The following CELF4 variants were observed in gnomAD, a reference collection of about 807,000 sequenced individuals.
CELF4 encodes the protein CUGBP Elav-like family member 4, also known as CUG-BP- and ETR-3-like factor 4.
A neutral mutation model predicts 59.9 loss-of-function variants in CELF4; 18 were observed. That is an observed-to-expected ratio of 0.30 (90% CI 0.21 to 0.45). The LOEUF is 0.45. Ranked by LOEUF, CELF4 falls within the 20% of genes least tolerant of loss-of-function variation. The pLI is 1.00. For synonymous variants in CELF4, 261 were observed against 267.1 expected, an observed-to-expected ratio of 0.98 and a Z score of 0.22; for missense variants, 456 against 689.0, an observed-to-expected ratio of 0.66 and a Z score of 3.79.
At position 37,245,155 on chromosome 18, in the gene CELF4, G is replaced by T. The variant is rs751027779; in HGVS notation, c.*87C>A. On this transcript the variant is annotated 3_prime_UTR_variant, in exon 13 of 13. Transcript: ENST00000420428. This position sits in a 1 kb window ranked among gnomAD's most constrained non-coding sequence, Gnocchi z 4.1. Reference sequence around the variant, plus strand: ...CAGTTCTCATTTATAAATATATATAGAGAGAGGTTTGTTTTTTAATGTAGC... The same window carrying T: ...CAGTTCTCATTTATAAATATATATATAGAGAGGTTTGTTTTTTAATGTAGC... 2.6e-5 allele frequency: 4 copies of T among 152,250 alleles called. No homozygotes were observed. Among genetic ancestry groups the T allele is most frequent in the Non-Finnish European group, 5.9e-5 (4 of 68,028 alleles). 9.4% of individuals were successfully genotyped at this position (152,250 alleles called of 1,614,324 possible).
At position 37,378,271 on chromosome 18, in the gene CELF4, G is replaced by A. The variant is rs1191930231; in HGVS notation, c.370-56390C>T. Among the ~76,000 whole-genome samples the A allele has an allele frequency of 2.0e-5, 3 of 152,240 alleles. No homozygotes were observed. In the East Asian group the frequency reaches 5.8e-4, roughly 29 times the overall value. The stretch of plus-strand genomic sequence containing the variant: ...GTGCTTTCTCTGCCACCCCTTGCTT[G>A]TTGCTTGGGTCGCAGGAGGTGGGGT... On this transcript the variant is annotated intron_variant, in intron 2 of 12. Coordinates refer to ENST00000420428, the MANE Select transcript of CELF4 (RefSeq NM_020180.4).
intron 1 of CELF4, among the ~76,000 whole-genome samples, chr18:37,513,982 G>A (rs1254498718): frequency 7.5e-6 from 1 of 132,832 alleles, no homozygotes; most frequent in Non-Finnish European, 1.7e-5. Context: ...GTGTGTGTGT[G>A]TATACCTTCT....
chr18:37,266,686 C>T, intron 8 of CELF4, 88 bp from the exon 9 acceptor site: 1 of 1,141,558 alleles, frequency 8.8e-7, no homozygotes, highest in Non-Finnish European at 1.2e-6. Flanking sequence ...TGTAGCTGTA[C>T]TGCCTTTTCT....
At chr18:37,550,761 G>A (rs971550751) in intron 1 of CELF4, among the ~76,000 whole-genome samples, 4 of 152,224 alleles carry the variant, frequency 2.6e-5, no homozygotes, top group African/African-American at 9.6e-5. Flanking sequence ...AGTAGACAGA[G>A]GTGTCCCTGC....
intron 1 of CELF4, among the ~76,000 whole-genome samples, chr18:37,537,650 C>T (rs749069673): frequency 2.6e-5 from 4 of 152,202 alleles, no homozygotes; most frequent in South Asian, 2.1e-4. Flanking sequence ...TTCCTTGCTT[C>T]GCTGTAGGGG....
chr18:37,321,409 T>G (rs1403474277), intron 3 of CELF4, among the ~76,000 whole-genome samples: 1 of 152,214 alleles, frequency 6.6e-6, no homozygotes, highest in Non-Finnish European at 1.5e-5. Context: ...CTCCTTGGCC[T>G]GAATCCTCCT....
At chr18:37,494,036 A>T (rs147557904) in intron 1 of CELF4, among the ~76,000 whole-genome samples, 395 of 152,182 alleles carry the variant, frequency 2.6e-3, no homozygotes, top group African/African-American at 9.2e-3. Flanking sequence ...CAGGAAAGGG[A>T]CCAACCTTCT....
chr18:37,325,578 G>A (rs762848855), intron 2 of CELF4, among the ~76,000 whole-genome samples: 2 of 152,134 alleles, frequency 1.3e-5, no homozygotes, highest in South Asian at 4.1e-4. Context: ...CCAACCAGAC[G>A]GGCCCTGGAT....
chr18:37,481,502 A>G lies in CELF4; in HGVS notation c.369+4023T>C, dbSNP rs1603642284. On this transcript the variant is annotated intron_variant, in intron 2 of 12. Coordinates refer to ENST00000420428, the MANE Select transcript of CELF4 (RefSeq NM_020180.4). Reference sequence around the variant, plus strand: ...TCTTCCTGGAAGACGATTCCCCACAAAGTCCCAATGGCTGGAGGAGCTGCG... The same window carrying G: ...TCTTCCTGGAAGACGATTCCCCACAGAGTCCCAATGGCTGGAGGAGCTGCG... 3.9e-5 allele frequency among the ~76,000 whole-genome samples: 6 copies of G among 152,266 alleles called. No individual in the cohort carries two copies. In the South Asian group the frequency reaches 1.2e-3, roughly 32 times the overall value.
chr18:37,266,521 G>C lies in CELF4; in HGVS notation c.1165+12C>G. The C allele has an allele frequency of 1.3e-6, 2 of 1,587,014 alleles. No individual in the cohort carries two copies. The highest frequency in any genetic ancestry group is 1.2e-5 in the South Asian group (1 of 86,640). ...GTTGGGGAAGGAGCCGTGGGGACGC[G>C]TGGATACTAACGACCTGCATACTGC... is the stretch of plus-strand genomic sequence containing the variant. On this transcript the variant is annotated intron_variant, in intron 9 of 12. Coordinates refer to ENST00000420428, the MANE Select transcript of CELF4 (RefSeq NM_020180.4).
chr18:37,380,102 T>C (rs1268916703), intron 2 of CELF4, among the ~76,000 whole-genome samples: 1 of 152,142 alleles, frequency 6.6e-6, no homozygotes, highest in African/African-American at 2.4e-5. Flanking sequence ...CTGTATTTGA[T>C]TTGAACCCAA....
chr18:37,247,619 C>G (rs71365660), intron 12 of CELF4: 1 of 151,784 alleles, frequency 6.6e-6, no homozygotes, highest in Non-Finnish European at 1.5e-5. Context: ...ATGGGCACAT[C>G]AACACACACA....
chr18:37,508,675 G>A lies in CELF4; in HGVS notation c.287-23068C>T, dbSNP rs191624615. Among the ~76,000 whole-genome samples the A allele has an allele frequency of 1.3e-4, 20 of 152,348 alleles. No homozygotes were observed. In the East Asian group the frequency reaches 3.9e-3, roughly 29 times the overall value. The stretch of plus-strand genomic sequence containing the variant: ...CACATCTCTGTGTGTGCTGCTCAAG[G>A]TCATGCTGTGAGCTCAAGTGGTCTG... On this transcript the variant is annotated intron_variant, in intron 1 of 12. Transcript: ENST00000420428.
intron 3 of CELF4, among the ~76,000 whole-genome samples, chr18:37,279,084 C>T (rs2093778337): frequency 6.6e-6 from 1 of 152,222 alleles, no homozygotes; most frequent in Admixed American, 6.5e-5. Context: ...AGAGAAGGCC[C>T]TGGCCACTGC....
At chr18:37,545,230 G>T (rs983005577) in intron 1 of CELF4, among the ~76,000 whole-genome samples, 1 of 152,202 alleles carries the variant, frequency 6.6e-6, no homozygotes, top group African/African-American at 2.4e-5. Context: ...GTCCTCAGGG[G>T]CAAGAGTGGT....
intron 2 of CELF4, among the ~76,000 whole-genome samples, chr18:37,373,895 G>C (rs2098934095): frequency 6.6e-6 from 1 of 152,246 alleles, no homozygotes; most frequent in African/African-American, 2.4e-5. Flanking sequence ...GCTGCCTGCG[G>C]ACTCCCAGCA....
At chr18:37,281,882 A>G (rs963914311) in intron 3 of CELF4, among the ~76,000 whole-genome samples, 1 of 152,126 alleles carries the variant, frequency 6.6e-6, no homozygotes, top group Admixed American at 6.6e-5. Flanking sequence ...GGTGAAGGAC[A>G]TGCCCCCCTC....
intron 1 of CELF4, among the ~76,000 whole-genome samples, chr18:37,558,774 T>A (rs1290508283): frequency 6.6e-6 from 1 of 151,238 alleles, no homozygotes; most frequent in African/African-American, 2.4e-5. Context: ...AGTATTCTGC[T>A]TGGAGGGCCT....
chr18:37,394,021 G>C (rs2099204645), intron 2 of CELF4, among the ~76,000 whole-genome samples: 1 of 152,108 alleles, frequency 6.6e-6, no homozygotes, highest in Non-Finnish European at 1.5e-5. Flanking sequence ...CAAATTGCCA[G>C]CTTGTCGGGG....
Sources: gnomAD v4.1 joint callset for allele counts (sites outside exome capture counted in the v4.1 genomes callset) on GRCh38, gnomAD v4.1.1 for gene constraint, Gnocchi (gnomAD v3.1) non-coding constraint, MANE v1.5 for transcripts, NCBI Gene and HGNC (gene_info 2026-07-23, HGNC 2026-07-21) for gene names.